The following NUDT3 variants were observed in gnomAD, a reference collection of about 807,000 sequenced individuals.
The protein encoded by NUDT3 is nudix hydrolase 3, also known as diphosphoinositol polyphosphate phosphohydrolase 1.
NUDT3 carries 9 observed loss-of-function variants against 23.6 expected under a neutral mutation model. The ratio of observed to expected loss-of-function variants is 0.38; its 90% CI spans 0.23 to 0.66. NUDT3 has a LOEUF of 0.66. Among genes scored for constraint, NUDT3 ranks in the 30% least tolerant of loss-of-function variants. The pLI is 0.52. For synonymous variants in NUDT3, 86 were observed against 82.6 expected (o/e 1.04, Z -0.22); for missense variants, 172 against 218.5 (o/e 0.79, Z 1.34).
intron 1 of NUDT3, among the ~76,000 whole-genome samples, chr6:34,376,220 T>C (rs1407439555): frequency 1.3e-5 from 2 of 152,098 alleles, no homozygotes; most frequent in African/African-American, 4.8e-5. Context: ...AATTTAAAAG[T>C]CATCTTCAAC....
At position 34,288,596 on chromosome 6, in the gene NUDT3, C is replaced by G; in HGVS notation, c.*157G>C. 1 of 1,037,938 alleles carries G rather than the reference C, an allele frequency of 9.6e-7. No individual in the cohort carries two copies. The highest frequency in any genetic ancestry group is 3.2e-4 in the Middle Eastern group (1 of 3,126). The allele number at this position is 1,037,938 out of a possible 1,614,324, so 64.3% of individuals were successfully genotyped here. On this transcript the variant is annotated 3_prime_UTR_variant, in exon 5 of 5. Coordinates refer to ENST00000607016, the MANE Select transcript of NUDT3 (RefSeq NM_006703.4). ...GAAGAAAAAGCCCCATCACTTAACA[C>G]CAAACAGCAACATTATCAATACACC...
rs534763468 is a variant in NUDT3 at position 34,292,812 on chromosome 6, G to C, written c.340+639C>G. ...GGTCCCCATGGCCAGCAGTGAGCCT[G>C]GCATGGCGGAGGCCCTCAATCAGTA... On this transcript the variant is annotated intron_variant, in intron 4 of 4. Coordinates refer to ENST00000607016, the MANE Select transcript of NUDT3 (RefSeq NM_006703.4). Among the ~76,000 whole-genome samples the C allele has an allele frequency of 6.6e-5, 10 of 152,284 alleles. No individual in the cohort carries two copies. The East Asian group carries it at 1.9e-3, about 29-fold the overall frequency.
chr6:34,351,198 T>TTAAAAAAAAAAAA lies in NUDT3; in HGVS notation c.100-9227_100-9226insTTTTTTTTTTTTA, dbSNP rs1764462307. ...GACCTCGTCTCTACACTCCCCTGCC[T>TTAAAAAAAAAAAA]AAAAAAAAAAAAAAAAAAAAAAAAA... On this transcript the variant is annotated intron_variant, in intron 1 of 4. Coordinates refer to ENST00000607016, the MANE Select transcript of NUDT3 (RefSeq NM_006703.4). Among the ~76,000 whole-genome samples, 4 of 17,894 alleles carry TTAAAAAAAAAAAA rather than the reference T, an allele frequency of 2.2e-4. 1 individual carries two copies. Among genetic ancestry groups the TTAAAAAAAAAAAA allele is most frequent in the Admixed American group, 8.9e-4 (1 of 1,128 alleles). 11.7% of individuals were successfully genotyped at this position (17,894 alleles called of 152,430 possible). A position where few individuals can be genotyped will look rare whatever the true frequency, so the allele number is the denominator to read the frequency against.
chr6:34,379,168 T>A (rs1764972563), intron 1 of NUDT3, among the ~76,000 whole-genome samples: 1 of 152,194 alleles, frequency 6.6e-6, no homozygotes, highest in Non-Finnish European at 1.5e-5. Context: ...TATCAGTATT[T>A]GTTTAGTTTT....
chr6:34,341,810 G>C lies in NUDT3; in HGVS notation c.210+52C>G, dbSNP rs949789114. The C allele has an allele frequency of 3.1e-5, 47 of 1,534,702 alleles. No individual in the cohort carries two copies. The African/African-American group carries it at 3.4e-4, about 11-fold the overall frequency. ...ACATATTAAAGAACTACACAGATAG[G>C]ACAGGTTCATGATGACGAGGCACAG... On this transcript the variant is annotated intron_variant, in intron 2 of 4. Transcript: ENST00000607016.
At chr6:34,302,816 G>T (rs1263275533) in intron 2 of NUDT3, among the ~76,000 whole-genome samples, 1 of 152,146 alleles carries the variant, frequency 6.6e-6, no homozygotes, top group Non-Finnish European at 1.5e-5. Flanking sequence ...CTAATTATCT[G>T]AGAGTTTTAT....
intron 1 of NUDT3, among the ~76,000 whole-genome samples, chr6:34,359,885 T>C (rs185855601): frequency 4.0e-4 from 61 of 152,252 alleles, no homozygotes; most frequent in African/African-American, 1.4e-3. Context: ...CCACCAGCAA[T>C]GTATGAGGTA....
intron 1 of NUDT3, among the ~76,000 whole-genome samples, chr6:34,364,780 T>C (rs535047655): frequency 6.6e-6 from 1 of 152,302 alleles, no homozygotes; most frequent in East Asian, 1.9e-4. Context: ...ACACCTGTAA[T>C]CCCAGCACTT....
chr6:34,316,185 A>G (rs1325416004), intron 2 of NUDT3, among the ~76,000 whole-genome samples: 2 of 152,008 alleles, frequency 1.3e-5, no homozygotes, highest in Non-Finnish European at 2.9e-5. Context: ...CTCTTTTGAG[A>G]GTGTTTTTAT....
intron 1 of NUDT3, among the ~76,000 whole-genome samples, chr6:34,378,489 C>G (rs1290103500): frequency 6.6e-6 from 1 of 152,148 alleles, no homozygotes; most frequent in Non-Finnish European, 1.5e-5. Flanking sequence ...AGCAACAAAG[C>G]CTGGCTGTCT....
At chr6:34,374,464 T>C (rs1764889089) in intron 1 of NUDT3, among the ~76,000 whole-genome samples, 2 of 152,216 alleles carry the variant, frequency 1.3e-5, no homozygotes, top group Non-Finnish European at 2.9e-5. Flanking sequence ...CTTTCCTTTC[T>C]TTCCCAGTTC....
chr6:34,297,733 A>T (rs1179078661), intron 2 of NUDT3, among the ~76,000 whole-genome samples: 455 of 25,950 alleles, frequency 0.018, 11 homozygotes, highest in South Asian at 0.034. Context: ...AAAAAAAAAT[A>T]TATATATATA....
At chr6:34,315,810 C>G (rs1763848523) in intron 2 of NUDT3, among the ~76,000 whole-genome samples, 1 of 152,148 alleles carries the variant, frequency 6.6e-6, no homozygotes, top group African/African-American at 2.4e-5. Context: ...CCTTAGACTT[C>G]TCAAGTTTAA....
At chr6:34,383,095 C>A (rs1294529591) in intron 1 of NUDT3, among the ~76,000 whole-genome samples, 1 of 149,870 alleles carries the variant, frequency 6.7e-6, no homozygotes, top group African/African-American at 2.5e-5. Context: ...CCATTGCACT[C>A]CAGCCTGGGT....
chr6:34,369,547 T>C, intron 1 of NUDT3, among the ~76,000 whole-genome samples: 1 of 152,054 alleles, frequency 6.6e-6, no homozygotes, highest in Non-Finnish European at 1.5e-5. Flanking sequence ...TGTAAACAGG[T>C]AAGTAAGATA....
intron 1 of NUDT3, among the ~76,000 whole-genome samples, chr6:34,386,921 C>A (rs1033084424): frequency 6.6e-6 from 1 of 152,124 alleles, no homozygotes; most frequent in South Asian, 2.1e-4. Context: ...CAAGACCAGC[C>A]TGGGCAACAT....
chr6:34,342,289 C>CAA (rs200954440), intron 1 of NUDT3, among the ~76,000 whole-genome samples: 5,788 of 64,640 alleles, frequency 0.09, 310 homozygotes, highest in Non-Finnish European at 0.16. Context: ...TAGAAGACTT[C>CAA]AAAAAAAAAA....
At chr6:34,366,465 A>G in intron 1 of NUDT3, among the ~76,000 whole-genome samples, 1 of 95,096 alleles carries the variant, frequency 1.1e-5, no homozygotes, top group Non-Finnish European at 1.9e-5. Context: ...AGAGAAAGAG[A>G]GAGAGGGAAG....
intron 2 of NUDT3, among the ~76,000 whole-genome samples, chr6:34,336,064 T>C (rs1341274605): frequency 1.3e-5 from 2 of 151,078 alleles, no homozygotes; most frequent in Non-Finnish European, 3.0e-5. Context: ...AGGTCAGGAG[T>C]TTTAGACCAG....
Sources: gnomAD v4.1 joint callset for allele counts (sites outside exome capture counted in the v4.1 genomes callset) on GRCh38, gnomAD v4.1.1 for gene constraint, MANE v1.5 for transcripts, NCBI Gene and HGNC (gene_info 2026-07-23, HGNC 2026-07-21) for gene names.